CSMD1: variants seen among roughly 807,000 people sequenced by gnomAD.
The protein encoded by CSMD1 is CUB and sushi domain-containing protein 1.
Under a neutral mutation model 417.5 loss-of-function variants are expected in CSMD1, and 213 were observed. That is an observed-to-expected ratio of 0.51 (90% CI 0.46 to 0.57). CSMD1 has a LOEUF of 0.57. CSMD1 is among the 20% of genes least tolerant of loss of function. The probability of loss-of-function intolerance (pLI) is 0.00; values close to 1 mark genes in which losing one functional copy is unlikely to be tolerated. For missense variants in CSMD1, 6,923 were observed against 4,529.7 expected (o/e 1.53, Z -15.17); for synonymous variants, 2,862 against 1,736.8 (o/e 1.65, Z -16.11).
chr8:4,245,613 A>C (rs765696911), intron 3 of CSMD1, among the ~76,000 whole-genome samples: 3 of 152,170 alleles, frequency 2.0e-5, no homozygotes, highest in Non-Finnish European at 1.5e-5. Context: ...CCTCTGGTCA[A>C]CAATGTCATA....
intron 10 of CSMD1, among the ~76,000 whole-genome samples, chr8:3,549,839 T>C (rs1159598686): frequency 6.6e-6 from 1 of 152,180 alleles, no homozygotes; most frequent in East Asian, 1.9e-4. Context: ...TCAGGTATTC[T>C]GTTACAAGCA....
chr8:3,463,237 C>G (rs60655665), intron 12 of CSMD1, among the ~76,000 whole-genome samples: 18,378 of 152,198 alleles, frequency 0.12, 1,379 homozygotes, highest in East Asian at 0.22. Context: ...CTCTGCCTTA[C>G]AGACGATTCC....
chr8:3,192,733 G>T (rs1214902998), intron 33 of CSMD1, among the ~76,000 whole-genome samples: 5 of 152,134 alleles, frequency 3.3e-5, no homozygotes, highest in Admixed American at 6.5e-5. Context: ...TTTCTATTGT[G>T]ATTTGTCCAT....
chr8:4,914,587 A>G (rs1175761994), intron 1 of CSMD1, among the ~76,000 whole-genome samples: 259 of 12,554 alleles, frequency 0.021, 6 homozygotes, highest in East Asian at 3.9e-3. Context: ...CAAAAAGAAA[A>G]AAAAAAAAAA....
chr8:3,920,955 A>G (rs1223616271), intron 5 of CSMD1, among the ~76,000 whole-genome samples: 3 of 152,126 alleles, frequency 2.0e-5, no homozygotes, highest in African/African-American at 7.2e-5. Context: ...TGTAATCTAG[A>G]TATGACATGA....
chr8:4,032,389 T>C (rs1797394270), intron 3 of CSMD1, among the ~76,000 whole-genome samples: 1 of 152,168 alleles, frequency 6.6e-6, no homozygotes, highest in Non-Finnish European at 1.5e-5. Flanking sequence ...CTGGATTATA[T>C]TTTTCTAGTC....
intron 2 of CSMD1, among the ~76,000 whole-genome samples, chr8:4,610,956 G>C (rs1328824076): frequency 1.3e-5 from 2 of 152,146 alleles, no homozygotes; most frequent in Non-Finnish European, 2.9e-5. Context: ...TAAAATTGTA[G>C]TTTTAAAACT....
At chr8:3,905,882 A>C (rs1808073666) in intron 5 of CSMD1, among the ~76,000 whole-genome samples, 1 of 152,162 alleles carries the variant, frequency 6.6e-6, no homozygotes, top group South Asian at 2.1e-4. Flanking sequence ...AAGGTTTCTG[A>C]TCTCTTACTA....
intron 23 of CSMD1, among the ~76,000 whole-genome samples, chr8:3,324,862 A>G (rs1341452659): frequency 6.6e-6 from 1 of 152,086 alleles, no homozygotes; most frequent in Non-Finnish European, 1.5e-5. Context: ...CAAGCTCAAT[A>G]TTCCCAATTG....
At chr8:3,335,833 G>C (rs761213200) in intron 23 of CSMD1, among the ~76,000 whole-genome samples, 4 of 152,120 alleles carry the variant, frequency 2.6e-5, no homozygotes. Flanking sequence ...TTTGCATTTT[G>C]CCAGGGTGGA....
At chr8:3,961,760 T>A (rs1025445135) in intron 5 of CSMD1, among the ~76,000 whole-genome samples, 1 of 152,234 alleles carries the variant, frequency 6.6e-6, no homozygotes, top group African/African-American at 2.4e-5. Context: ...TCTTTCATGA[T>A]GAAGGCATCA....
At chr8:3,089,020 C>A (rs1388198366) in intron 48 of CSMD1, among the ~76,000 whole-genome samples, 1 of 152,162 alleles carries the variant, frequency 6.6e-6, no homozygotes, top group Non-Finnish European at 1.5e-5. Context: ...CTCTCACCAG[C>A]CCCTCAACAT....
chr8:3,926,382 G>C (rs75373029), intron 5 of CSMD1, among the ~76,000 whole-genome samples: 7,150 of 149,554 alleles, frequency 0.048, 251 homozygotes, highest in South Asian at 0.08. Flanking sequence ...AAACAGGAGG[G>C]CAGTAAGATT....
At chr8:3,576,926 G>A (rs932503287) in intron 9 of CSMD1, among the ~76,000 whole-genome samples, 1 of 152,176 alleles carries the variant, frequency 6.6e-6, no homozygotes, top group African/African-American at 2.4e-5. Context: ...ATTAACAGCT[G>A]TTATAAACAT....
At chr8:4,623,225 T>C (rs1455743322) in intron 2 of CSMD1, among the ~76,000 whole-genome samples, 1 of 152,086 alleles carries the variant, frequency 6.6e-6, no homozygotes, top group African/African-American at 2.4e-5. Flanking sequence ...GAATGATCAA[T>C]AAGCACATAA....
chr8:4,824,119 C>G (rs940851045), intron 1 of CSMD1, among the ~76,000 whole-genome samples: 2 of 151,612 alleles, frequency 1.3e-5, no homozygotes, highest in Non-Finnish European at 3.0e-5. Context: ...CACTCTCCCT[C>G]TCACACGTAC....
At chr8:3,513,492 T>C (rs1202150980) in intron 10 of CSMD1, among the ~76,000 whole-genome samples, 1 of 152,080 alleles carries the variant, frequency 6.6e-6, no homozygotes, top group African/African-American at 2.4e-5. Flanking sequence ...TCTCACCTTG[T>C]GATCGTGTGA....
rs1238113596 is a variant in CSMD1, at chr8:4,429,772, C to T, written c.303-9707G>A. On this transcript the variant is annotated intron_variant, in intron 2 of 69. Coordinates refer to ENST00000635120, the MANE Select transcript of CSMD1 (RefSeq NM_033225.6). Reference sequence around the variant, plus strand: ...TGCTGAGATTCTAGAAGTGCTCCACCCGTATTTGTTGAAATATACCGGCAA... The same window carrying T: ...TGCTGAGATTCTAGAAGTGCTCCACTCGTATTTGTTGAAATATACCGGCAA... 3.3e-5 allele frequency among the ~76,000 whole-genome samples: 5 copies of T among 152,256 alleles called. No homozygotes were observed. In the South Asian group the frequency reaches 1.0e-3, roughly 32 times the overall value.
At chr8:3,255,368 C>G (rs903920294) in intron 26 of CSMD1, among the ~76,000 whole-genome samples, 2 of 152,174 alleles carry the variant, frequency 1.3e-5, no homozygotes, top group Admixed American at 6.5e-5. Context: ...AAGCTGTGTG[C>G]TGGGAGAACC....
Sources: allele counts gnomAD v4.1 joint callset (sites outside exome capture counted in the v4.1 genomes callset), GRCh38; gene constraint gnomAD v4.1.1; transcripts MANE v1.5; gene names NCBI Gene and HGNC (gene_info 2026-07-23, HGNC 2026-07-21).